Variants in SFTPA2 observed in about 807,000 individuals in gnomAD.
SFTPA2 encodes the protein surfactant protein A2.
Under a neutral mutation model 20.3 loss-of-function variants are expected in SFTPA2, and 21 were observed. That is an observed-to-expected ratio of 1.03 (90% CI 0.73 to 1.49). The LOEUF is 1.49. Among genes scored for constraint, SFTPA2 ranks in the 40% most tolerant of loss-of-function variants. The pLI, the probability that SFTPA2 is intolerant of heterozygous loss-of-function variation, is 0.00. For synonymous variants in SFTPA2, 116 were observed against 118.7 expected, an observed-to-expected ratio of 0.98 and a Z score of 0.15; for missense variants, 302 against 314.8, an observed-to-expected ratio of 0.96 and a Z score of 0.31.
chr10:79,559,925 T>C, intron 2 of SFTPA2, 44 bp downstream of exon 2: 2 of 1,369,760 alleles, frequency 1.5e-6, no homozygotes, highest in Non-Finnish European at 9.4e-7. Flanking sequence ...ATGAGGTCAC[T>C]CACTCACTGA....
At chr10:79,559,048 C>G in intron 3 of SFTPA2, 43 bp from the exon 4 acceptor site, 4 of 1,614,162 alleles carry the variant, frequency 2.5e-6, no homozygotes, top group Non-Finnish European at 3.4e-6. Flanking sequence ...CTGTCACCCA[C>G]AACTGGTTGG....
chr10:79,557,287 C>T lies in SFTPA2; in HGVS notation c.669G>A (p.Gln223=), dbSNP rs1208073141. 1.2e-6 allele frequency: 2 copies of T among 1,614,068 alleles called. No individual in the cohort carries two copies. Among genetic ancestry groups the T allele is most frequent in the African/African-American group, 2.7e-5 (2 of 74,924 alleles). ...RGEPAGRGKE[Q]CVEMYTDGQW... Reference sequence around the variant, plus strand: ...GCCCATCTGTGTACATCTCCACACACTGCTCTTTTCCCCGACCTGCAGGCT... The same window carrying T: ...GCCCATCTGTGTACATCTCCACACATTGCTCTTTTCCCCGACCTGCAGGCT... Residue 223 remains glutamine, a synonymous_variant, in exon 6 of 6, where the codon CAG becomes CAA. Transcript: ENST00000372325.
At chr10:79,559,773 C>T (rs1859082768) in intron 2 of SFTPA2, 196 bp downstream of exon 2, 2 of 1,498,950 alleles carry the variant, frequency 1.3e-6, no homozygotes, top group Non-Finnish European at 8.9e-7. Flanking sequence ...AGCCCAGGGA[C>T]CTGGGCTCCA....
At position 79,558,941 on chromosome 10, in the gene SFTPA2, A is replaced by G. The variant is rs1340620887; in HGVS notation, c.237T>C (p.Pro79=). 1 of 1,614,024 alleles carries G rather than the reference A, an allele frequency of 6.2e-7. No homozygotes were observed. The highest frequency in any genetic ancestry group is 8.5e-7 in the Non-Finnish European group (1 of 1,180,000). Reference sequence around the variant, plus strand: ...TCTCTCCACGCTCTCCAGGGACACCAGGGGCTCCAGGCAGCCCATTATTCC... The same window carrying G: ...TCTCTCCACGCTCTCCAGGGACACCGGGGGCTCCAGGCAGCCCATTATTCC... ...PPGNNGLPGA[P]GVPGERGEKG... is the part of the protein sequence containing the mutation. Residue 79 remains proline (P), a synonymous_variant, in exon 4 of 6, where the codon CCT becomes CCC. Transcript: ENST00000372325.
chr10:79,557,719 C>T (rs1053899451), intron 5 of SFTPA2, 134 bp from the exon 6 acceptor site: 1 of 1,092,258 alleles, frequency 9.2e-7, no homozygotes, highest in African/African-American at 1.6e-5. Context: ...TCTTCCTCTT[C>T]CAATTGCAGT....
chr10:79,559,045 C>T (rs72659395), intron 3 of SFTPA2, 40 bp from the exon 4 acceptor site: 291 of 1,614,022 alleles, frequency 1.8e-4, no homozygotes, highest in Admixed American at 3.3e-4. Flanking sequence ...GATCTGTCAC[C>T]CACAACTGGT....
chr10:79,557,318 C>A lies in SFTPA2; in HGVS notation c.638G>T (p.Arg213Leu), dbSNP rs772763359. 2.0e-5 allele frequency: 32 copies of A among 1,613,394 alleles called. No individual in the cohort carries two copies. Among genetic ancestry groups the A allele is most frequent in the Non-Finnish European group, 2.6e-5 (31 of 1,179,478 alleles). ...TTTTCCCCGACCTGCAGGCTCCCCT[C>A]GGTACCAGTTGGTGTAGTTTACAGG... ...GTPVNYTNWY[R>L]GEPAGRGKEQ... Residue 213 changes from arginine (R) to leucine (L), a missense_variant, in exon 6 of 6, where the codon CGA becomes CTA. By Grantham distance (102) the Arg-to-Leu change is moderately radical. Coordinates refer to ENST00000372325, the MANE Select transcript of SFTPA2 (RefSeq NM_001098668.4).
At position 79,559,333 on chromosome 10, in the gene SFTPA2, T is replaced by C. The variant is rs549800979; in HGVS notation, c.151A>G (p.Lys51Glu). 7.4e-6 allele frequency: 12 copies of C among 1,613,806 alleles called. No individual in the cohort carries two copies. The highest frequency in any genetic ancestry group is 1.7e-5 in the Admixed American group (1 of 60,006). The part of the protein sequence containing the change: ...LPGRDGRDGV[K>E]GDPGPPGPMG... Reference sequence around the variant, plus strand: ...GTACCTGGAGGGCCAGGGTCTCCTTTGACACCATCTCTCCCGTCCCTGCCT... The same window carrying C: ...GTACCTGGAGGGCCAGGGTCTCCTTCGACACCATCTCTCCCGTCCCTGCCT... The change falls in exon 3 of 6, where the codon AAA (lysine) becomes GAA (glutamate). Residue 51 changes from lysine (K) to glutamate (E), a missense_variant. Transcript: ENST00000372325.
At position 79,557,163 on chromosome 10, in the gene SFTPA2, C is replaced by T. The variant is rs759885473; in HGVS notation, c.*46G>A. The stretch of plus-strand genomic sequence containing the variant: ...ACCAAGTGGATCCTGGGGATGGAAA[C>T]TGAAGGCCAGACAGGATCCTCCCTG... On this transcript the variant is annotated 3_prime_UTR_variant, in exon 6 of 6. Transcript: ENST00000372325. The T allele has an allele frequency of 6.2e-7, 1 of 1,614,062 alleles. No homozygotes were observed. The highest frequency in any genetic ancestry group is 2.2e-5 in the East Asian group (1 of 44,880).
chr10:79,559,702 C>T lies in SFTPA2; in HGVS notation c.-23-196G>A, dbSNP rs17883613. 0.21 allele frequency: 327,115 copies of T among 1,543,022 alleles called. 37,494 individuals carry two copies. The highest frequency in any genetic ancestry group is 0.44 in the East Asian group (17,837 of 40,806). On this transcript the variant is annotated intron_variant, in intron 2 of 5. Coordinates refer to ENST00000372325, the MANE Select transcript of SFTPA2 (RefSeq NM_001098668.4). ...GGCATGGCCTCATGCTTCAGGCCTC[C>T]GGCTGGAGGTTGTGGGGTCTCAAGA...
At position 79,556,853 on chromosome 10, in the gene SFTPA2, G is replaced by T. The variant is rs1858813751; in HGVS notation, c.*356C>A. On this transcript the variant is annotated 3_prime_UTR_variant, in exon 6 of 6. Coordinates refer to ENST00000372325, the MANE Select transcript of SFTPA2 (RefSeq NM_001098668.4). Reference sequence around the variant, plus strand: ...GGACCAGGAGGCAGGCACTCTGTGTGACTTTGGAGGATCCTTCTACCCCAA... The same window carrying T: ...GGACCAGGAGGCAGGCACTCTGTGTTACTTTGGAGGATCCTTCTACCCCAA... The T allele has an allele frequency of 4.8e-6, 2 of 415,282 alleles. No individual in the cohort carries two copies. The highest frequency in any genetic ancestry group is 4.0e-5 in the African/African-American group (2 of 49,594). 25.7% of individuals were successfully genotyped at this position (415,282 alleles called of 1,614,324 possible).
intron 4 of SFTPA2, 120 bp downstream of exon 4, chr10:79,558,765 AG>A: frequency 6.5e-7 from 1 of 1,527,830 alleles, no homozygotes; most frequent in Non-Finnish European, 9.1e-7. Context: ...TCTCTTACTT[AG>A]GTTGAGCCAA....
intron 2 of SFTPA2, 22 bp downstream of exon 2, chr10:79,559,947 T>G (rs891897519): frequency 6.9e-5 from 92 of 1,329,166 alleles, no homozygotes; most frequent in Non-Finnish European, 8.4e-5. Flanking sequence ...TCACTCCATC[T>G]GTCCCTCATA....
At chr10:79,557,966 G>T (rs1370760619) in intron 5 of SFTPA2, 86 bp downstream of exon 5, 2 of 1,597,820 alleles carry the variant, frequency 1.3e-6, no homozygotes, top group African/African-American at 1.3e-5. Context: ...ACGCTTGTTT[G>T]TCATCTCTAT....
In SFTPA2 at chr10:79,559,546, C is replaced by T. The variant is rs536443461; in HGVS notation, c.-23-40G>A. 1,076 of 1,607,984 alleles carry T rather than the reference C, an allele frequency of 6.7e-4. 12 individuals are homozygous for T. The highest frequency in any genetic ancestry group is 1.3e-4 in the Non-Finnish European group (158 of 1,176,104). On this transcript the variant is annotated intron_variant, in intron 2 of 5. Coordinates refer to ENST00000372325, the MANE Select transcript of SFTPA2 (RefSeq NM_001098668.4). The stretch of plus-strand genomic sequence containing the variant: ...GCCGTGAGCCCATCTGCCACCTCTG[C>T]CAACATCTCCCCCACTGTGCTCTGT...
chr10:79,557,949 C>T, intron 5 of SFTPA2, 103 bp downstream of exon 5: 2 of 1,560,726 alleles, frequency 1.3e-6, no homozygotes, highest in East Asian at 2.2e-5. Context: ...CCAACACCTG[C>T]ATGTGCACGC....
chr10:79,558,054 C>A lies in SFTPA2; in HGVS notation c.368G>T (p.Gly123Val). ...TGAGGCCCAGGGGGTCCCCTTACCT[C>A]CCCTTGTCTGCAGGATTTGATGTCT... ...DFRHQILQTRGALSLQGSIMT... is the reference protein window; with the variant it reads ...DFRHQILQTRVALSLQGSIMT... Residue 123 changes from glycine to valine, a missense_variant and splice_region_variant, in exon 5 of 6, where the codon GGA becomes GTA. Gly to Val is a moderately radical substitution (Grantham distance 109). This residue lies in a region of SFTPA2 where 264 missense variants were observed against 261.7 expected (regional missense o/e 1.01). Coordinates refer to ENST00000372325, the MANE Select transcript of SFTPA2 (RefSeq NM_001098668.4). 6.2e-7 allele frequency: 1 copy of A among 1,614,122 alleles called. No homozygotes were observed. The highest frequency in any genetic ancestry group is 1.3e-5 in the African/African-American group (1 of 75,018).
chr10:79,557,205 C>G lies in SFTPA2; in HGVS notation c.*4G>C. The G allele has an allele frequency of 6.2e-7, 1 of 1,614,156 alleles. No homozygotes were observed. On this transcript the variant is annotated 3_prime_UTR_variant, in exon 6 of 6. Transcript: ENST00000372325. ...TCCTCCCTGTCCCATGGCCTAAATG[C>G]CTCTCAGAACTCACAGATGGTCAGT...
rs72659394 is a variant in SFTPA2 at position 79,559,449 on chromosome 10, A to C, written c.35T>G (p.Leu12Trp). 1.2e-5 allele frequency: 19 copies of C among 1,613,280 alleles called. No homozygotes were observed. The highest frequency in any genetic ancestry group is 1.6e-5 in the Non-Finnish European group (19 of 1,179,704). Residue 12 changes from leucine (L) to tryptophan (W), a missense_variant, in exon 3 of 6, where the codon TTG becomes TGG. Leu to Trp is a moderately conservative substitution (Grantham distance 61, BLOSUM62 -2). Transcript: ENST00000372325. ...GCACGCAGCACCAGAGGCTGCCATC[A>C]AGATGAGGGTGAGGGCCAGAGGGCA... ...WLCPLALTLI[L>W]MAASGAACEV... is the part of the protein sequence containing the mutation.
Sources: gnomAD v4.1 joint callset for allele counts on GRCh38, gnomAD v4.1.1 for gene constraint, gnomAD v4.1.1 regional missense constraint, MANE v1.5 for transcripts, NCBI Gene and HGNC (gene_info 2026-07-23, HGNC 2026-07-21) for gene names.